HPSE2: variants seen among roughly 807,000 people sequenced by gnomAD.
The protein encoded by HPSE2 is inactive heparanase-2.
HPSE2 carries 38 observed loss-of-function variants against 60.5 expected under a neutral mutation model. The ratio of observed to expected loss-of-function variants is 0.63; its 90% confidence interval spans 0.48 to 0.82. The LOEUF is 0.82. Among genes scored for constraint, HPSE2 ranks in the 40% least tolerant of loss-of-function variants. HPSE2 has a pLI of 0.00. For synonymous variants in HPSE2, 295 were observed against 293.2 expected, an observed-to-expected ratio of 1.01 and a Z score of -0.06; for missense variants, 713 against 740.4, an observed-to-expected ratio of 0.96 and a Z score of 0.43.
intron 9 of HPSE2, among the ~76,000 whole-genome samples, chr10:98,535,137 C>T (rs186852923): frequency 5.3e-5 from 8 of 152,162 alleles, no homozygotes; most frequent in East Asian, 3.9e-4. Flanking sequence ...CGTGAATGTC[C>T]GTCTTCTCAA....
chr10:99,290,755 C>T, the HPSE2 span, among the ~76,000 whole-genome samples: 2 of 152,134 alleles, frequency 1.3e-5, no homozygotes, highest in Non-Finnish European at 2.9e-5. Flanking sequence ...TTAATGGTAA[C>T]AGAAGCTTAT....
In HPSE2 at chr10:98,677,995, A is replaced by G. The variant is rs115804945; in HGVS notation, c.1004+15905T>C. 4.4e-3 allele frequency among the ~76,000 whole-genome samples: 668 copies of G among 152,302 alleles called. 4 individuals are homozygous for G. Among genetic ancestry groups the G allele is most frequent in the African/African-American group, 0.015 (635 of 41,562 alleles). On this transcript the variant is annotated intron_variant, in intron 6 of 11. Transcript: ENST00000370552. ...GAAAGTGTTCATTTTTAGGCTTTAA[A>G]CATAGCTAAAAATCTGAATTATCAA...
chr10:98,984,458 A>C (rs1956287011), intron 3 of HPSE2, among the ~76,000 whole-genome samples: 1 of 152,216 alleles, frequency 6.6e-6, no homozygotes, highest in Non-Finnish European at 1.5e-5. Context: ...AAACTAACAA[A>C]CAGAAAGGAC....
At chr10:98,721,917 T>A in intron 4 of HPSE2, 89 bp from the exon 5 acceptor site, 1 of 1,070,324 alleles carries the variant, frequency 9.3e-7, no homozygotes, top group Non-Finnish European at 1.4e-6. Flanking sequence ...GCCTTTTTCT[T>A]AATAATATGA....
At chr10:98,946,734 C>T (rs911219438) in intron 3 of HPSE2, among the ~76,000 whole-genome samples, 1 of 151,824 alleles carries the variant, frequency 6.6e-6, no homozygotes, top group African/African-American at 2.4e-5. Context: ...GAAATGTAAA[C>T]AAATGTAAAG....
intron 3 of HPSE2, among the ~76,000 whole-genome samples, chr10:99,132,191 A>AAGAGAGAG (rs781059893): frequency 1.4e-5 from 1 of 71,876 alleles, no homozygotes; most frequent in African/African-American, 6.4e-5. Context: ...GAAAGAAAGA[A>AAGAGAGAG]AGAGAGAGAG....
chr10:98,847,841 A>C (rs1952069787), intron 3 of HPSE2, among the ~76,000 whole-genome samples: 1 of 152,218 alleles, frequency 6.6e-6, no homozygotes, highest in South Asian at 2.1e-4. Flanking sequence ...GAATACCCAG[A>C]CTGTGTGGTC....
At chr10:99,151,603 GCA>G (rs750025727) in intron 2 of HPSE2, among the ~76,000 whole-genome samples, 12 of 152,026 alleles carry the variant, frequency 7.9e-5, no homozygotes, top group Middle Eastern at 3.2e-3. Context: ...AATCTTAAAA[GCA>G]CGGAGGAAAA....
At chr10:98,695,486 G>A (rs991751147) in intron 5 of HPSE2, among the ~76,000 whole-genome samples, 9 of 152,146 alleles carry the variant, frequency 5.9e-5, no homozygotes, top group Admixed American at 2.6e-4. Flanking sequence ...CATTTACTAC[G>A]TACCTACTGA....
chr10:98,823,469 C>CA lies in HPSE2; in HGVS notation c.611-79414dup, dbSNP rs963902727. Among the ~76,000 whole-genome samples, 60 of 151,920 alleles carry CA rather than the reference C, an allele frequency of 3.9e-4. 1 individual carries two copies. The East Asian group carries it at 0.011, about 29-fold the overall frequency. On this transcript the variant is annotated intron_variant, in intron 3 of 11. Coordinates refer to ENST00000370552, the MANE Select transcript of HPSE2 (RefSeq NM_021828.5). ...TCCAATCTCTACAAAAACTAGAAAA[C>CA]AAAAAAATTAGCTGGGCGTGGTAGC...
At position 98,458,242 on chromosome 10, in the gene HPSE2, C is replaced by A. The variant is rs2136409707; in HGVS notation, c.*1332G>T. The stretch of plus-strand genomic sequence containing the variant: ...TCTCACTTGGAACAGTGTCAAATCT[C>A]TCCTCCTTCTAACAAAAGCATCATT... On this transcript the variant is annotated 3_prime_UTR_variant, in exon 12 of 12. Coordinates refer to ENST00000370552, the MANE Select transcript of HPSE2 (RefSeq NM_021828.5). 1 of 152,296 alleles carries A rather than the reference C, an allele frequency of 6.6e-6. No individual in the cohort carries two copies. The highest frequency in any genetic ancestry group is 3.4e-3 in the Middle Eastern group (1 of 294). The allele number at this position is 152,296 out of a possible 1,614,324, so 9.4% of individuals were successfully genotyped here.
intron 6 of HPSE2, among the ~76,000 whole-genome samples, chr10:98,690,847 C>T (rs1411350920): frequency 6.6e-6 from 1 of 151,972 alleles, no homozygotes; most frequent in African/African-American, 2.4e-5. Flanking sequence ...TTTTGGTCCA[C>T]AAAATATAGC....
chr10:99,082,782 C>T (rs779559938), intron 3 of HPSE2, among the ~76,000 whole-genome samples: 7 of 152,170 alleles, frequency 4.6e-5, no homozygotes, highest in South Asian at 2.1e-4. Context: ...TATTTCTACC[C>T]TATTTTCGAG....
chr10:98,642,333 T>C (rs1946660426), intron 6 of HPSE2, among the ~76,000 whole-genome samples: 1 of 152,184 alleles, frequency 6.6e-6, no homozygotes, highest in Admixed American at 6.5e-5. Flanking sequence ...TGTGAGAGGT[T>C]TGAAAGAATA....
intron 11 of HPSE2, 107 bp from the exon 12 acceptor site, chr10:98,459,846 CTG>C: frequency 9.6e-7 from 1 of 1,037,668 alleles, no homozygotes; most frequent in Non-Finnish European, 1.5e-6. Flanking sequence ...ACACACACAG[CTG>C]ACACTTATTG....
At chr10:99,247,073 A>G in the HPSE2 span, among the ~76,000 whole-genome samples, 3 of 152,244 alleles carry the variant, frequency 2.0e-5, no homozygotes, top group Admixed American at 2.0e-4. Context: ...AGTAGGAAGT[A>G]TCTTTCTTAC....
intron 5 of HPSE2, among the ~76,000 whole-genome samples, chr10:98,713,039 A>G (rs1247021536): frequency 1.3e-5 from 2 of 152,124 alleles, no homozygotes; most frequent in African/African-American, 4.8e-5. Flanking sequence ...TTACTTCGCT[A>G]GATGACTCAA....
intron 9 of HPSE2, among the ~76,000 whole-genome samples, chr10:98,573,546 A>G (rs1295459702): frequency 4.6e-5 from 7 of 152,182 alleles, no homozygotes; most frequent in African/African-American, 1.4e-4. Flanking sequence ...CTAAAAGCAC[A>G]GGTGAAATGG....
At chr10:99,194,455 A>C (rs1848324517) in intron 2 of HPSE2, among the ~76,000 whole-genome samples, 1 of 151,892 alleles carries the variant, frequency 6.6e-6, no homozygotes, top group South Asian at 2.1e-4. Flanking sequence ...TGAAACAAAA[A>C]ATACAAAGGA....
Sources: gnomAD v4.1 joint callset for allele counts (sites outside exome capture counted in the v4.1 genomes callset) on GRCh38, gnomAD v4.1.1 for gene constraint, MANE v1.5 for transcripts, NCBI Gene and HGNC (gene_info 2026-07-23, HGNC 2026-07-21) for gene names.